Variants in PAX3 observed in about 807,000 individuals in gnomAD.
PAX3 encodes paired box 3, also known as paired box protein Pax-3.
Under a neutral mutation model 51.6 loss-of-function variants are expected in PAX3, and 14 were observed. The observed-to-expected ratio is 0.27, with a 90% CI of 0.18 to 0.42. The LOEUF (loss-of-function observed/expected upper bound fraction) is 0.42. Among genes scored for constraint, PAX3 ranks in the 10% least tolerant of loss-of-function variants. The pLI is 1.00. For synonymous variants in PAX3, 280 were observed against 253.4 expected, an observed-to-expected ratio of 1.11 and a Z score of -1.00; for missense variants, 540 against 642.8, an observed-to-expected ratio of 0.84 and a Z score of 1.73.
chr2:222,246,535 AG>A (rs1235415244), intron 4 of PAX3, among the ~76,000 whole-genome samples: 1 of 152,230 alleles, frequency 6.6e-6, no homozygotes, highest in Non-Finnish European at 1.5e-5. Flanking sequence ...AGAACCAAAA[AG>A]AATTGCTATT....
intron 4 of PAX3, among the ~76,000 whole-genome samples, chr2:222,269,464 A>G (rs1444339767): frequency 6.6e-6 from 1 of 152,234 alleles, no homozygotes; most frequent in Non-Finnish European, 1.5e-5. Flanking sequence ...GCACGTTTTT[A>G]TGCCTGAACG....
chr2:222,265,646 A>AGAAGGAAGGAAG (rs71053065), intron 4 of PAX3, among the ~76,000 whole-genome samples: 22,741 of 109,094 alleles, frequency 0.21, 3,157 homozygotes, highest in Admixed American at 0.27. Flanking sequence ...ATCAAAAAAA[A>AGAAGGAAGGAAG]GAAGGAAGGA....
chr2:222,218,320 A>C (rs562775636), intron 7 of PAX3, among the ~76,000 whole-genome samples: 17 of 152,160 alleles, frequency 1.1e-4, no homozygotes, highest in Non-Finnish European at 2.4e-4. Context: ...ATACTTATAT[A>C]ATACAAAAGA....
chr2:222,284,630 T>C (rs1694769404), intron 4 of PAX3, among the ~76,000 whole-genome samples: 1 of 152,002 alleles, frequency 6.6e-6, no homozygotes, highest in South Asian at 2.1e-4. Flanking sequence ...TGTGTGTGTG[T>C]GTGTGTGTGT....
At chr2:222,275,992 A>T (rs189157571) in intron 4 of PAX3, among the ~76,000 whole-genome samples, 1 of 152,352 alleles carries the variant, frequency 6.6e-6, no homozygotes, top group East Asian at 1.9e-4. Context: ...ACTTAGAATC[A>T]TCTGAAGTGA....
At chr2:222,257,729 G>C (rs189225172) in intron 4 of PAX3, among the ~76,000 whole-genome samples, 301 of 152,300 alleles carry the variant, frequency 2.0e-3, no homozygotes, top group Non-Finnish European at 3.7e-3. Context: ...AGGGCCCTTC[G>C]CATCTGACAG....
At chr2:222,217,238 T>C (rs1203667872) in intron 7 of PAX3, among the ~76,000 whole-genome samples, 2 of 152,158 alleles carry the variant, frequency 1.3e-5, no homozygotes, top group Non-Finnish European at 2.9e-5. Context: ...CCAATGCTTT[T>C]AATATGAGGA....
At chr2:222,292,736 C>A (rs894191531) in intron 4 of PAX3, among the ~76,000 whole-genome samples, 4 of 152,158 alleles carry the variant, frequency 2.6e-5, no homozygotes, top group African/African-American at 9.7e-5. Flanking sequence ...TTCTCAGAGA[C>A]CAAGGCAGAA....
At chr2:222,282,387 GA>G (rs1694677586) in intron 4 of PAX3, among the ~76,000 whole-genome samples, 1 of 151,862 alleles carries the variant, frequency 6.6e-6, no homozygotes, top group African/African-American at 2.4e-5. Context: ...CAAGGTTTTT[GA>G]AAAAAACATA....
chr2:222,221,583 G>A, intron 5 of PAX3, 196 bp from the exon 6 acceptor site: 1 of 571,566 alleles, frequency 1.7e-6, no homozygotes, highest in Middle Eastern at 4.8e-4. Flanking sequence ...CAGTAGAGGG[G>A]CTTCAGGGAC....
chr2:222,236,782 C>A (rs2106103308), intron 4 of PAX3, among the ~76,000 whole-genome samples: 1 of 152,214 alleles, frequency 6.6e-6, no homozygotes, highest in Admixed American at 6.5e-5. Flanking sequence ...TTCTAAATTA[C>A]ACTTAAGTTG....
chr2:222,231,350 G>A (rs895507356), intron 5 of PAX3, among the ~76,000 whole-genome samples: 1 of 152,158 alleles, frequency 6.6e-6, no homozygotes, highest in Admixed American at 6.5e-5. Context: ...CTAGCTCCAG[G>A]AAGTAGTTCT....
intron 4 of PAX3, among the ~76,000 whole-genome samples, chr2:222,250,052 T>G (rs957712264): frequency 1.3e-5 from 2 of 152,120 alleles, no homozygotes; most frequent in Non-Finnish European, 2.9e-5. Flanking sequence ...GTGGTTTTAT[T>G]TTTTGCTTTA....
intron 7 of PAX3, among the ~76,000 whole-genome samples, chr2:222,208,209 A>T (rs1200023533): frequency 6.6e-6 from 1 of 152,146 alleles, no homozygotes; most frequent in Non-Finnish European, 1.5e-5. Context: ...TCATTTACGC[A>T]TGCCTGCATT....
At chr2:222,292,546 C>G (rs991131484) in intron 4 of PAX3, among the ~76,000 whole-genome samples, 1 of 152,210 alleles carries the variant, frequency 6.6e-6, no homozygotes, top group Non-Finnish European at 1.5e-5. Flanking sequence ...AGTCTGCCAG[C>G]GCCGGAGCCT....
chr2:222,234,485 A>C (rs1021626963), intron 4 of PAX3, among the ~76,000 whole-genome samples: 8 of 152,214 alleles, frequency 5.3e-5, no homozygotes, highest in African/African-American at 1.9e-4. Context: ...TGTAAGCTAA[A>C]CTAAATGAGC....
At chr2:222,228,469 A>G (rs1421529702) in intron 5 of PAX3, among the ~76,000 whole-genome samples, 2 of 152,218 alleles carry the variant, frequency 1.3e-5, no homozygotes, top group African/African-American at 4.8e-5. Flanking sequence ...TGTACAAGCT[A>G]CATGGGTTTG....
chr2:222,201,614 C>A (rs1691295510), intron 8 of PAX3, 172 bp from the exon 9 acceptor site: 15 of 1,282,012 alleles, frequency 1.2e-5, no homozygotes, highest in Non-Finnish European at 1.4e-5. Context: ...CTGGGATTAT[C>A]CCCCATATGA....
intron 4 of PAX3, chr2:222,293,848 A>G (rs1006511156): frequency 1.9e-6 from 3 of 1,612,968 alleles, no homozygotes; most frequent in African/African-American, 1.3e-5. Flanking sequence ...AGTCTCATAC[A>G]TTTAATGGCA....
Sources: allele counts gnomAD v4.1 joint callset (sites outside exome capture counted in the v4.1 genomes callset), GRCh38; gene constraint gnomAD v4.1.1; transcripts MANE v1.5; gene names NCBI Gene and HGNC (gene_info 2026-07-23, HGNC 2026-07-21).